CNTN4: variants seen among roughly 807,000 people sequenced by gnomAD.
CNTN4 encodes contactin-4.
Under a neutral mutation model 122.5 loss-of-function variants are expected in CNTN4, and 77 were observed. The ratio of observed to expected loss-of-function variants is 0.63; its 90% CI spans 0.52 to 0.76. CNTN4 has a LOEUF of 0.76. Among genes scored for constraint, CNTN4 ranks in the 30% least tolerant of loss-of-function variants. The pLI is 0.00. For synonymous variants in CNTN4, 512 were observed against 447.0 expected (o/e 1.15, Z -1.83); for missense variants, 1,256 against 1,259.1 (o/e 1.00, Z 0.04).
chr3:2,510,483 T>TA (rs1158985713), intron 3 of CNTN4, among the ~76,000 whole-genome samples: 2 of 152,154 alleles, frequency 1.3e-5, no homozygotes, highest in Admixed American at 6.5e-5. Flanking sequence ...GCTCCTTAAC[T>TA]ACTGGCTGCT....
intron 4 of CNTN4, among the ~76,000 whole-genome samples, chr3:2,702,216 A>G (rs932447403): frequency 6.6e-6 from 1 of 152,218 alleles, no homozygotes; most frequent in African/African-American, 2.4e-5. Flanking sequence ...ATCTTGATTT[A>G]CACCCTACTG....
intron 3 of CNTN4, among the ~76,000 whole-genome samples, chr3:2,477,262 G>C (rs1205208295): frequency 2.0e-5 from 3 of 152,198 alleles, no homozygotes; most frequent in Non-Finnish European, 4.4e-5. Flanking sequence ...CAAAACTGAA[G>C]GCTCCAACTA....
intron 4 of CNTN4, among the ~76,000 whole-genome samples, chr3:2,574,590 T>C (rs2079575638): frequency 6.6e-6 from 1 of 152,196 alleles, no homozygotes; most frequent in Admixed American, 6.5e-5. Flanking sequence ...TTGATGCCAG[T>C]AATCTAAAAG....
intron 10 of CNTN4, among the ~76,000 whole-genome samples, chr3:2,891,585 T>C (rs1368538916): frequency 6.6e-6 from 1 of 152,156 alleles, no homozygotes; most frequent in Non-Finnish European, 1.5e-5. Flanking sequence ...GAAAATGAGC[T>C]AGGCTTTCAA....
intron 4 of CNTN4, among the ~76,000 whole-genome samples, chr3:2,633,205 G>A (rs559511334): frequency 2.6e-5 from 4 of 152,172 alleles, no homozygotes; most frequent in African/African-American, 9.6e-5. Flanking sequence ...CCCCACGAAG[G>A]CTACAACAGC....
chr3:2,849,238 C>G (rs2093505827), intron 7 of CNTN4, among the ~76,000 whole-genome samples: 1 of 152,236 alleles, frequency 6.6e-6, no homozygotes, highest in South Asian at 2.1e-4. Flanking sequence ...ACCTAATAGG[C>G]CCACATGAAG....
intron 4 of CNTN4, among the ~76,000 whole-genome samples, chr3:2,612,167 A>C (rs1011845880): frequency 1.3e-5 from 2 of 151,862 alleles, no homozygotes; most frequent in Non-Finnish European, 2.9e-5. Context: ...TTTGACTTAC[A>C]ATAGGGTTAC....
intron 4 of CNTN4, among the ~76,000 whole-genome samples, chr3:2,734,615 A>G (rs2088947407): frequency 6.7e-6 from 1 of 149,374 alleles, no homozygotes; most frequent in Non-Finnish European, 1.5e-5. Flanking sequence ...TGTCTTCTTA[A>G]CTTTTCTTCT....
At chr3:2,259,540 G>A (rs146956508) in intron 2 of CNTN4, among the ~76,000 whole-genome samples, 1 of 152,268 alleles carries the variant, frequency 6.6e-6, no homozygotes, top group East Asian at 1.9e-4. Flanking sequence ...ACAGTTCCAC[G>A]TGTCTGGAGA....
intron 10 of CNTN4, among the ~76,000 whole-genome samples, chr3:2,889,740 C>T (rs2094017464): frequency 6.6e-6 from 1 of 152,144 alleles, no homozygotes; most frequent in Non-Finnish European, 1.5e-5. Context: ...TTTTAACTTT[C>T]ATGATTTTCT....
chr3:2,691,540 C>T (rs1275110370), intron 4 of CNTN4, among the ~76,000 whole-genome samples: 1 of 152,090 alleles, frequency 6.6e-6, no homozygotes, highest in Non-Finnish European at 1.5e-5. Flanking sequence ...GGAGTTTTCT[C>T]CACTAGGATA....
At chr3:2,842,511 G>C (rs1224669667) in intron 7 of CNTN4, among the ~76,000 whole-genome samples, 1 of 150,844 alleles carries the variant, frequency 6.6e-6, no homozygotes, top group African/African-American at 2.4e-5. Flanking sequence ...AACATCTCCT[G>C]CTTTAAACTA....
At chr3:2,256,231 A>G (rs542660700) in intron 2 of CNTN4, among the ~76,000 whole-genome samples, 28 of 152,312 alleles carry the variant, frequency 1.8e-4, no homozygotes, top group African/African-American at 5.8e-4. Context: ...CCCTCCCAAG[A>G]CTAAACCAGG....
chr3:2,819,787 G>T (rs1313412936), intron 7 of CNTN4, among the ~76,000 whole-genome samples: 3 of 152,162 alleles, frequency 2.0e-5, no homozygotes, highest in Non-Finnish European at 4.4e-5. Flanking sequence ...CCCCACTGCA[G>T]TGTACCTGGC....
At chr3:2,391,152 C>A (rs969825410) in intron 3 of CNTN4, among the ~76,000 whole-genome samples, 2 of 152,086 alleles carry the variant, frequency 1.3e-5, no homozygotes, top group African/African-American at 2.4e-5. Context: ...GGCCAGAATC[C>A]GAGAAGCACC....
At position 2,429,577 on chromosome 3, in the gene CNTN4, C is replaced by T. The variant is rs193248774; in HGVS notation, c.-89+90344C>T. 1.1e-3 allele frequency among the ~76,000 whole-genome samples: 171 copies of T among 152,284 alleles called. No individual in the cohort carries two copies. The Middle Eastern group carries it at 0.017, about 15-fold the overall frequency. ...CTGTCCGTTCTCAGATCTCAAACTC[C>T]GTGCTGGGAGAACCACTACTCTCTT... On this transcript the variant is annotated intron_variant, in intron 3 of 24. Coordinates refer to ENST00000418658, the MANE Select transcript of CNTN4 (RefSeq NM_175607.3).
At chr3:2,372,097 C>G (rs2045652856) in intron 3 of CNTN4, among the ~76,000 whole-genome samples, 1 of 152,146 alleles carries the variant, frequency 6.6e-6, no homozygotes, top group Admixed American at 6.5e-5. Flanking sequence ...TATGTTATTG[C>G]TTAGAATAGG....
At chr3:2,736,416 C>A in intron 5 of CNTN4, 75 bp downstream of exon 5, 1 of 1,123,074 alleles carries the variant, frequency 8.9e-7, no homozygotes, top group Non-Finnish European at 1.3e-6. Flanking sequence ...TTATACAATG[C>A]TGGTTACATA....
chr3:2,122,079 C>G (rs567720034), intron 2 of CNTN4, among the ~76,000 whole-genome samples: 14 of 150,938 alleles, frequency 9.3e-5, no homozygotes, highest in African/African-American at 3.4e-4. Context: ...GGCGGGAACC[C>G]GGGAGGCGGA....
Sources: allele counts gnomAD v4.1 joint callset (sites outside exome capture counted in the v4.1 genomes callset), GRCh38; gene constraint gnomAD v4.1.1; transcripts MANE v1.5; gene names NCBI Gene and HGNC (gene_info 2026-07-23, HGNC 2026-07-21).